The following AGAP3 variants were observed in gnomAD, a reference collection of about 807,000 sequenced individuals.
The protein encoded by AGAP3 is ArfGAP with GTPase domain, ankyrin repeat and PH domain 3.
In AGAP3, 24 loss-of-function variants were observed where a neutral mutation model predicts 96.9. The observed-to-expected ratio is 0.25, with a 90% CI of 0.18 to 0.35. The LOEUF (loss-of-function observed/expected upper bound fraction) is 0.35, where lower values mean the gene tolerates loss of function less well. Among genes scored for constraint, AGAP3 ranks in the 10% least tolerant of loss-of-function variants. The pLI is 1.00. For missense variants in AGAP3, 876 were observed against 1,254.2 expected, an observed-to-expected ratio of 0.70 and a Z score of 4.55; for synonymous variants, 563 against 536.1, an observed-to-expected ratio of 1.05 and a Z score of -0.69.
chr7:151,124,833 G>T (rs1265142225), intron 9 of AGAP3, among the ~76,000 whole-genome samples: 2 of 152,188 alleles, frequency 1.3e-5, no homozygotes, highest in Non-Finnish European at 2.9e-5. Context: ...AGAGTTCCAA[G>T]CAGAGTAGTG....
At chr7:151,126,423 AGGCTGGGAGAGGCTGGGAGAGGCTGGGAG>A (rs1800179127) in intron 9 of AGAP3, among the ~76,000 whole-genome samples, 3 of 137,764 alleles carry the variant, frequency 2.2e-5, no homozygotes, top group African/African-American at 8.2e-5. Flanking sequence ...AGGCTGGGAG[AGGCTGGGAGAGGCTGGGAGAGGCTGGGAG>A]AGGCTGGGAG....
At chr7:151,138,078 A>G in intron 11 of AGAP3, 65 bp from the exon 12 acceptor site, 2 of 1,227,772 alleles carry the variant, frequency 1.6e-6, no homozygotes, top group South Asian at 1.4e-5. Context: ...TATTTTTAGG[A>G]TAGTATCTTT....
intron 8 of AGAP3, among the ~76,000 whole-genome samples, chr7:151,122,525 T>G (rs2150490585): frequency 6.6e-6 from 1 of 151,382 alleles, no homozygotes; most frequent in East Asian, 2.0e-4. Context: ...CGCCGCCTCC[T>G]CCTCCTCCTG....
chr7:151,094,411 C>G (rs961653770), intron 1 of AGAP3, among the ~76,000 whole-genome samples: 6 of 151,554 alleles, frequency 4.0e-5, no homozygotes, highest in Admixed American at 3.9e-4. Flanking sequence ...ATTTGATTTT[C>G]AGGCATAGAG....
At chr7:151,105,249 AAAGT>A (rs1798996196) in intron 1 of AGAP3, among the ~76,000 whole-genome samples, 1 of 152,180 alleles carries the variant, frequency 6.6e-6, no homozygotes, top group South Asian at 2.1e-4. Context: ...TTCTTTTTAC[AAAGT>A]AATATATCGT....
At chr7:151,126,175 T>C (rs1392868157) in intron 9 of AGAP3, among the ~76,000 whole-genome samples, 2 of 149,814 alleles carry the variant, frequency 1.3e-5, no homozygotes, top group African/African-American at 4.9e-5. Flanking sequence ...GACGGGGGCG[T>C]TCAGGGTGGA....
In AGAP3 at chr7:151,142,553, C is replaced by T. The variant is rs746743428; in HGVS notation, c.2192C>T (p.Thr731Ile). 3.1e-6 allele frequency: 5 copies of T among 1,613,636 alleles called. No homozygotes were observed. The highest frequency in any genetic ancestry group is 4.2e-6 in the Non-Finnish European group (5 of 1,180,050). Residue 731 changes from threonine (T) to isoleucine (I), a missense_variant, in exon 16 of 18, where the codon ACT becomes ATT. Coordinates refer to ENST00000397238, the MANE Select transcript of AGAP3 (RefSeq NM_031946.7). This position sits in a 1 kb window ranked among gnomAD's most constrained non-coding sequence, Gnocchi z 7.5. ...CCGCCTGAGCTGCTGGCTGTCATGA[C>T]TGCCATGGGCAATGCCCTCGCCAAC... ...DWPPELLAVM[T>I]AMGNALANSV...
chr7:151,126,564 G>C (rs1297408162), intron 9 of AGAP3, among the ~76,000 whole-genome samples: 1 of 152,080 alleles, frequency 6.6e-6, no homozygotes, highest in African/African-American at 2.4e-5. Flanking sequence ...GCTGGGGGCG[G>C]GGCGGGGGGT....
In AGAP3 at chr7:151,114,853, C is replaced by A; in HGVS notation, c.332-1940C>A. On this transcript the variant is annotated intron_variant, in intron 1 of 17. Coordinates refer to ENST00000397238, the MANE Select transcript of AGAP3 (RefSeq NM_031946.7). This position sits in a 1 kb window ranked among gnomAD's most constrained non-coding sequence, Gnocchi z 4.4. ...CGCCGCGCCCACAGCGTCTGCGACTCGCTGGACCTGCACGGCGCCTCGGCC... is the reference window on the plus strand; with the variant it reads ...CGCCGCGCCCACAGCGTCTGCGACTAGCTGGACCTGCACGGCGCCTCGGCC... The A allele has an allele frequency of 9.5e-7, 1 of 1,047,822 alleles. No individual in the cohort carries two copies. Among genetic ancestry groups the A allele is most frequent in the South Asian group, 3.4e-5 (1 of 29,766 alleles). The allele number at this position is 1,047,822 out of a possible 1,614,324, so 64.9% of individuals were successfully genotyped here. A position where few individuals can be genotyped will look rare whatever the true frequency, so the allele number is the denominator to read the frequency against.
chr7:151,086,952 G>A lies in AGAP3; in HGVS notation c.211G>A (p.Ala71Thr), dbSNP rs781169454. Residue 71 changes from alanine to threonine, a missense_variant, in exon 1 of 18, where the codon GCC (alanine) becomes ACC (threonine). Ala to Thr is a moderately conservative substitution (Grantham distance 58). This residue lies in a region of AGAP3 where 62 missense variants were observed against 82.8 expected (regional missense o/e 0.75). Coordinates refer to ENST00000397238, the MANE Select transcript of AGAP3 (RefSeq NM_031946.7). ...FALSNSAAIR[A>T]EIQRFESVHP... ...GCTCTCCAACTCCGCGGCCATCCGG[G>A]CCGAGATCCAGCGCTTCGAGTCCGT... 1.2e-6 allele frequency: 2 copies of A among 1,611,676 alleles called. No individual in the cohort carries two copies. The highest frequency in any genetic ancestry group is 1.7e-6 in the Non-Finnish European group (2 of 1,179,136).
At chr7:151,123,724 G>T in intron 8 of AGAP3, 70 bp from the exon 9 acceptor site, 1 of 1,592,272 alleles carries the variant, frequency 6.3e-7, no homozygotes, top group South Asian at 1.1e-5. Context: ...GAGGGAGGCC[G>T]GGAAGTCCAG....
Position 151,114,757 on chromosome 7 carries a change from C to T in AGAP3, c.332-2036C>T, listed in dbSNP as rs532111259. The T allele has an allele frequency of 0.013, 12,829 of 1,018,232 alleles. 96 individuals carry two copies. Among genetic ancestry groups the T allele is most frequent in the Non-Finnish European group, 0.014 (11,781 of 852,494 alleles). 63.1% of individuals were successfully genotyped at this position (1,018,232 alleles called of 1,614,324 possible). On this transcript the variant is annotated intron_variant, in intron 1 of 17. Coordinates refer to ENST00000397238, the MANE Select transcript of AGAP3 (RefSeq NM_031946.7). The surrounding 1 kb of genome is among the most constrained non-coding windows in gnomAD (Gnocchi z 4.4). The stretch of plus-strand genomic sequence containing the variant: ...CCTCGCCATGGGCCTGGCCCGCGCC[C>T]GCCGGCCCTGAGCATGGAGCGGGGC...
In AGAP3 at chr7:151,108,180, A is replaced by T. The variant is rs1241701314; in HGVS notation, c.332-8613A>T. Among the ~76,000 whole-genome samples the T allele has an allele frequency of 3.9e-5, 6 of 152,230 alleles. No homozygotes were observed. Among genetic ancestry groups the T allele is most frequent in the Non-Finnish European group, 1.5e-5 (1 of 68,036 alleles). ...AAAGCCAGGAGGCCAGATGGGGGACATGCTAAGGGACCGAGTCTTCGAGGG... is the reference window on the plus strand; with the variant it reads ...AAAGCCAGGAGGCCAGATGGGGGACTTGCTAAGGGACCGAGTCTTCGAGGG... On this transcript the variant is annotated intron_variant, in intron 1 of 17. Coordinates refer to ENST00000397238, the MANE Select transcript of AGAP3 (RefSeq NM_031946.7). This position sits in a 1 kb window ranked among gnomAD's most constrained non-coding sequence, Gnocchi z 4.2.
intron 1 of AGAP3, among the ~76,000 whole-genome samples, chr7:151,090,824 G>T (rs905321970): frequency 4.6e-5 from 7 of 152,106 alleles, no homozygotes; most frequent in Non-Finnish European, 8.8e-5. Context: ...GGCACCTGTA[G>T]TCCCAGCTAC....
chr7:151,137,837 T>A, intron 11 of AGAP3: 1 of 425,014 alleles, frequency 2.4e-6, no homozygotes, highest in Non-Finnish European at 4.2e-6. Flanking sequence ...GCGATGGGTG[T>A]CAGCACCACC....
Position 151,114,069 on chromosome 7 carries a change from C to T in AGAP3, c.332-2724C>T, listed in dbSNP as rs552323339. On this transcript the variant is annotated intron_variant, in intron 1 of 17. Transcript: ENST00000397238. This position sits in a 1 kb window ranked among gnomAD's most constrained non-coding sequence, Gnocchi z 4.4. Reference sequence around the variant, plus strand: ...ACTTCTCTGCTGCCCTTAGGCAGGACGCTTAACTCAGTCCAGACAGATGAG... The same window carrying T: ...ACTTCTCTGCTGCCCTTAGGCAGGATGCTTAACTCAGTCCAGACAGATGAG... Among the ~76,000 whole-genome samples the T allele has an allele frequency of 6.6e-5, 10 of 152,288 alleles. No individual in the cohort carries two copies. Among genetic ancestry groups the T allele is most frequent in the South Asian group, 4.1e-4 (2 of 4,830 alleles).
intron 1 of AGAP3, among the ~76,000 whole-genome samples, chr7:151,100,467 C>CA (rs1798792905): frequency 6.6e-6 from 1 of 152,200 alleles, no homozygotes; most frequent in Non-Finnish European, 1.5e-5. Flanking sequence ...GCAGCTACGC[C>CA]AGTGTCGGGA....
intron 8 of AGAP3, chr7:151,122,717 AT>A (rs1349723441): frequency 6.2e-7 from 1 of 1,613,654 alleles, no homozygotes; most frequent in South Asian, 1.1e-5. Flanking sequence ...TTCTTTCGAT[AT>A]TTGCAGATAT....
chr7:151,119,123 G>C lies in AGAP3; in HGVS notation c.969+491G>C, dbSNP rs1799740779. On this transcript the variant is annotated intron_variant, in intron 7 of 17. Coordinates refer to ENST00000397238, the MANE Select transcript of AGAP3 (RefSeq NM_031946.7). ...TGGGAAAAAGGAGGAGGAGGGCTGT[G>C]TCCTTCTTACTGTCTCTGAGCAGCC... is the stretch of plus-strand genomic sequence containing the variant. 1.6e-5 allele frequency: 3 copies of C among 191,604 alleles called. No homozygotes were observed. The South Asian group carries it at 3.3e-4, about 21-fold the overall frequency. 11.9% of individuals were successfully genotyped at this position (191,604 alleles called of 1,614,324 possible).
Sources: allele counts gnomAD v4.1 joint callset (sites outside exome capture counted in the v4.1 genomes callset), GRCh38; gene constraint gnomAD v4.1.1; regional missense constraint gnomAD v4.1.1; non-coding constraint Gnocchi (gnomAD v3.1); transcripts MANE v1.5; gene names NCBI Gene and HGNC (gene_info 2026-07-23, HGNC 2026-07-21).